SMS: variants seen among roughly 807,000 people sequenced by gnomAD.
SMS encodes the protein spermidine aminopropyltransferase.
In SMS, 3 loss-of-function variants were observed where a neutral mutation model predicts 33.0. That is an observed-to-expected ratio of 0.09 (90% CI 0.04 to 0.23). SMS has a LOEUF of 0.23. Ranked by LOEUF, SMS falls within the 10% of genes least tolerant of loss-of-function variation. The pLI is 1.00. For synonymous variants in SMS, 103 were observed against 112.2 expected, an observed-to-expected ratio of 0.92 and a Z score of 0.52; for missense variants, 117 against 288.6, an observed-to-expected ratio of 0.41 and a Z score of 4.31.
intron 1 of SMS, among the ~76,000 whole-genome samples, chrX:21,948,752 A>T (rs1359063524): frequency 1.8e-5 from 2 of 111,716 alleles, no homozygotes; most frequent in Non-Finnish European, 3.8e-5. Context: ...CATCTGTTTA[A>T]AAACGTCAAT....
chrX:21,967,267 A>G lies in SMS; in HGVS notation c.121A>G (p.Thr41Ala), dbSNP rs1275353398. Residue 41 changes from threonine (T) to alanine (A), a missense_variant, in exon 2 of 11, where the codon ACC becomes GCC. This residue lies in a region of SMS where 23 missense variants were observed against 60.5 expected (regional missense o/e 0.38). Transcript: ENST00000404933. Reference protein sequence around the residue: ...QEQGMAESVHTWQDHGYLATY... With the variant: ...QEQGMAESVHAWQDHGYLATY... ...GCAGGGGATGGCGGAGTCGGTGCACACCTGGCAGGACCATGGCTATTTAGC... is the reference window on the plus strand; with the variant it reads ...GCAGGGGATGGCGGAGTCGGTGCACGCCTGGCAGGACCATGGCTATTTAGC... 1.7e-6 allele frequency: 2 copies of G among 1,206,334 alleles called. No individual in the cohort carries two copies. The highest frequency in any genetic ancestry group is 3.5e-5 in the African/African-American group (2 of 56,341).
chrX:21,990,073 G>A (rs979679695), intron 9 of SMS, among the ~76,000 whole-genome samples: 3 of 111,884 alleles, frequency 2.7e-5, no homozygotes, highest in Non-Finnish European at 3.8e-5. Flanking sequence ...AGGACTGCCC[G>A]TAAGCCCAAC....
rs892991253 is a variant in SMS at position 21,942,261 on chromosome X, C to T, written c.49+1388C>T. On this transcript the variant is annotated intron_variant, in intron 1 of 10. Coordinates refer to ENST00000404933, the MANE Select transcript of SMS (RefSeq NM_004595.5). ...TCTGAGTACTCACTTTGCATTTTCT[C>T]CCGCAAATTTAAAGGATCTCCGAAG... is the stretch of plus-strand genomic sequence containing the variant. 2.7e-5 allele frequency among the ~76,000 whole-genome samples: 3 copies of T among 110,970 alleles called. No individual in the cohort carries two copies. The East Asian group carries it at 8.4e-4, about 31-fold the overall frequency.
chrX:21,982,916 G>C (rs1462677091), intron 7 of SMS, among the ~76,000 whole-genome samples: 7 of 112,289 alleles, frequency 6.2e-5, no homozygotes, highest in Non-Finnish European at 1.3e-4. Context: ...GATGCATTGA[G>C]GCAAGTTATA....
intron 1 of SMS, among the ~76,000 whole-genome samples, chrX:21,953,590 A>G (rs749961639): frequency 8.9e-6 from 1 of 111,836 alleles, no homozygotes; most frequent in Non-Finnish European, 1.9e-5. Context: ...CTTGCATACA[A>G]CTGAGTTTCT....
chrX:21,952,745 G>A (rs941633006), intron 1 of SMS, among the ~76,000 whole-genome samples: 2 of 108,227 alleles, frequency 1.8e-5, no homozygotes, highest in African/African-American at 6.9e-5. Context: ...CTCTTTTCTG[G>A]AGTGTTTTTT....
chrX:21,989,625 T>C (rs1314157457), intron 9 of SMS, among the ~76,000 whole-genome samples: 1 of 111,911 alleles, frequency 8.9e-6, no homozygotes, highest in Non-Finnish European at 1.9e-5. Flanking sequence ...ACAAGACCCA[T>C]TAGTGGGCAT....
At chrX:21,950,205 A>G (rs1922507929) in intron 1 of SMS, among the ~76,000 whole-genome samples, 1 of 111,235 alleles carries the variant, frequency 9.0e-6, no homozygotes, top group East Asian at 2.8e-4. Context: ...ACCTGGCTGA[A>G]GTTTTATAAA....
In SMS at chrX:21,941,464, A is replaced by G. The variant is rs181933195; in HGVS notation, c.49+591A>G. ...GCAGCGCTTGCAGAATTCTCAGCCG[A>G]CTGCGTAGGAGACGGATCCCCCGGA... On this transcript the variant is annotated intron_variant, in intron 1 of 10. Transcript: ENST00000404933. 1,207 of 142,983 alleles carry G rather than the reference A, an allele frequency of 8.4e-3. 16 individuals carry two copies. The highest frequency in any genetic ancestry group is 0.037 in the African/African-American group (1,149 of 31,169). The allele number at this position is 142,983 out of a possible 1,213,427, so 11.8% of individuals were successfully genotyped here. A position where few individuals can be genotyped will look rare whatever the true frequency, so the allele number is the denominator to read the frequency against.
intron 1 of SMS, among the ~76,000 whole-genome samples, chrX:21,953,552 TTC>T (rs1922761523): frequency 8.9e-6 from 1 of 112,400 alleles, no homozygotes; most frequent in South Asian, 3.6e-4. Flanking sequence ...CTCCAGCTCT[TTC>T]TCTTTCTCAG....
At chrX:21,946,608 G>A (rs1295882033) in intron 1 of SMS, among the ~76,000 whole-genome samples, 4 of 111,520 alleles carry the variant, frequency 3.6e-5, no homozygotes, top group East Asian at 2.8e-4. Context: ...CTTAGTTTAA[G>A]GCGGTGATTC....
intron 9 of SMS, among the ~76,000 whole-genome samples, chrX:21,988,467 C>G (rs1481966987): frequency 1.8e-5 from 2 of 109,521 alleles, no homozygotes; most frequent in African/African-American, 6.6e-5. Flanking sequence ...AGATAAAGAT[C>G]ATCCTGGCTA....
At chrX:21,993,379 CAG>C (rs1925883433) in intron 10 of SMS, among the ~76,000 whole-genome samples, 1 of 112,597 alleles carries the variant, frequency 8.9e-6, no homozygotes, top group Admixed American at 9.4e-5. Flanking sequence ...AAGTAAAACA[CAG>C]AAAGAAAAAA....
At chrX:21,969,049 CTT>C (rs369658493) in intron 2 of SMS, among the ~76,000 whole-genome samples, 106 of 111,684 alleles carry the variant, frequency 9.5e-4, no homozygotes, top group Middle Eastern at 4.6e-3. Context: ...CTTTTTCTCT[CTT>C]TGTTTCTCTA....
chrX:21,992,768 T>C lies in SMS; in HGVS notation c.1061+56T>C, dbSNP rs1925844996. The C allele has an allele frequency of 7.3e-6, 5 of 689,255 alleles. No individual in the cohort carries two copies. In the South Asian group the frequency reaches 1.2e-4, roughly 16 times the overall value. The allele number at this position is 689,255 out of a possible 1,213,427, so 56.8% of individuals were successfully genotyped here. A position where few individuals can be genotyped will look rare whatever the true frequency, so the allele number is the denominator to read the frequency against. On this transcript the variant is annotated intron_variant, in intron 10 of 10. Coordinates refer to ENST00000404933, the MANE Select transcript of SMS (RefSeq NM_004595.5). ...GATCAAAGCACCCAAGTAAATCATATGCCAATGAAAAAATTTAAATCACAA... is the reference window on the plus strand; with the variant it reads ...GATCAAAGCACCCAAGTAAATCATACGCCAATGAAAAAATTTAAATCACAA...
intron 1 of SMS, among the ~76,000 whole-genome samples, chrX:21,957,393 T>C (rs1923044750): frequency 9.2e-6 from 1 of 109,129 alleles, no homozygotes; most frequent in Non-Finnish European, 1.9e-5. Context: ...ACCTCCTGAG[T>C]TCAAGCAATT....
intron 10 of SMS, among the ~76,000 whole-genome samples, chrX:21,993,695 A>C (rs1479131541): frequency 1.8e-5 from 2 of 112,498 alleles, no homozygotes; most frequent in Non-Finnish European, 3.8e-5. Context: ...GTCCCTCCAC[A>C]GCCTGTACAG....
intron 1 of SMS, among the ~76,000 whole-genome samples, chrX:21,961,139 A>G (rs1347589866): frequency 9.9e-6 from 1 of 101,070 alleles, no homozygotes; most frequent in Non-Finnish European, 2.0e-5. Flanking sequence ...CTTTATGCAC[A>G]TGGGGCTGCA....
At position 21,967,253 on chromosome X, in the gene SMS, C is replaced by T. The variant is rs776916661; in HGVS notation, c.107C>T (p.Ala36Val). 20 of 1,205,241 alleles carry T rather than the reference C, an allele frequency of 1.7e-5. No homozygotes were observed. Among genetic ancestry groups the T allele is most frequent in the East Asian group, 1.5e-4 (5 of 33,661 alleles). ...TCCATTTTCCAGGAGCAGGGGATGG[C>T]GGAGTCGGTGCACACCTGGCAGGAC... Reference protein sequence around the residue: ...LQSIFQEQGMAESVHTWQDHG... With the variant: ...LQSIFQEQGMVESVHTWQDHG... The change falls in exon 2 of 11, where the codon GCG becomes GTG. Residue 36 changes from alanine to valine, a missense_variant. Ala to Val is a moderately conservative substitution (Grantham distance 64). This residue lies in a region of SMS where 23 missense variants were observed against 60.5 expected (regional missense o/e 0.38). Coordinates refer to ENST00000404933, the MANE Select transcript of SMS (RefSeq NM_004595.5).
Sources: allele counts gnomAD v4.1 joint callset (sites outside exome capture counted in the v4.1 genomes callset), GRCh38; gene constraint gnomAD v4.1.1; regional missense constraint gnomAD v4.1.1; transcripts MANE v1.5; gene names NCBI Gene and HGNC (gene_info 2026-07-23, HGNC 2026-07-21).